FAM227B: variants seen among roughly 807,000 people sequenced by gnomAD.
FAM227B encodes protein FAM227B.
In FAM227B, 88 loss-of-function variants were observed where a neutral mutation model predicts 73.8. The observed-to-expected ratio is 1.19, with a 90% CI of 1.00 to 1.42. The LOEUF (loss-of-function observed/expected upper bound fraction) is 1.42. FAM227B is among the 40% of genes most tolerant of loss of function. FAM227B has a pLI of 0.00. For missense variants in FAM227B, 632 were observed against 590.9 expected (o/e 1.07, Z -0.72); for synonymous variants, 210 against 190.5 (o/e 1.10, Z -0.84).
At chr15:49,406,754 C>A (rs983821753) in intron 11 of FAM227B, among the ~76,000 whole-genome samples, 1 of 151,952 alleles carries the variant, frequency 6.6e-6, no homozygotes, top group African/African-American at 2.4e-5. Flanking sequence ...GAAAGCAAAA[C>A]CCACCCATAC....
intron 11 of FAM227B, among the ~76,000 whole-genome samples, chr15:49,501,721 CA>C (rs1350803204): frequency 2.0e-5 from 3 of 152,148 alleles, no homozygotes; most frequent in Non-Finnish European, 2.9e-5. Flanking sequence ...ATTTGCATAA[CA>C]AAAGGGAGCC....
chr15:49,523,977 T>C (rs2152187732), intron 10 of FAM227B, among the ~76,000 whole-genome samples: 1 of 152,316 alleles, frequency 6.6e-6, no homozygotes, highest in East Asian at 1.9e-4. Context: ...GTGACTTGGA[T>C]GCTGTTAAAA....
At chr15:49,330,798 A>G (rs1024853442) in intron 15 of FAM227B, 1 of 152,088 alleles carries the variant, frequency 6.6e-6, no homozygotes, top group Non-Finnish European at 1.5e-5. Context: ...GATGTAAAAA[A>G]TAGTCCTTAG....
intron 11 of FAM227B, chr15:49,395,908 CTTAAT>C (rs1044953245): frequency 1.5e-5 from 7 of 455,506 alleles, no homozygotes; most frequent in African/African-American, 1.0e-4. Flanking sequence ...CTTCCAGGTT[CTTAAT>C]TTAAGGCCCA....
chr15:49,352,614 C>T (rs2042413387), intron 13 of FAM227B, among the ~76,000 whole-genome samples: 1 of 151,944 alleles, frequency 6.6e-6, no homozygotes. Context: ...TTTTTTTGTC[C>T]CTATGTTTAA....
chr15:49,489,822 T>TTATA (rs1178397654), intron 11 of FAM227B, among the ~76,000 whole-genome samples: 3 of 32,350 alleles, frequency 9.3e-5, no homozygotes, highest in South Asian at 1.1e-3. Flanking sequence ...TATATATATT[T>TTATA]TATATATATA....
intron 3 of FAM227B, among the ~76,000 whole-genome samples, chr15:49,600,977 G>A (rs1189988331): frequency 2.0e-5 from 3 of 150,394 alleles, no homozygotes; most frequent in African/African-American, 7.4e-5. Context: ...AGGAGGCAGA[G>A]GTTGCGGTGA....
chr15:49,356,317 G>C (rs1375519446), intron 13 of FAM227B, among the ~76,000 whole-genome samples: 1 of 150,996 alleles, frequency 6.6e-6, no homozygotes, highest in African/African-American at 2.4e-5. Flanking sequence ...AGACCCATCA[G>C]TGTGCTGTAT....
At chr15:49,377,444 T>A (rs1744224103) in intron 11 of FAM227B, among the ~76,000 whole-genome samples, 1 of 152,150 alleles carries the variant, frequency 6.6e-6, no homozygotes. Context: ...AACTCCAAAC[T>A]GTTTTCCATA....
At chr15:49,454,068 T>A (rs1438158957) in intron 11 of FAM227B, among the ~76,000 whole-genome samples, 2 of 152,186 alleles carry the variant, frequency 1.3e-5, no homozygotes, top group African/African-American at 2.4e-5. Context: ...ATAGAAAAGA[T>A]GTGTCAGACA....
intron 3 of FAM227B, among the ~76,000 whole-genome samples, chr15:49,599,188 G>C (rs1198665135): frequency 1.3e-5 from 2 of 151,822 alleles, no homozygotes; most frequent in Non-Finnish European, 2.9e-5. Context: ...ATGTTTCAAG[G>C]AATTTATTCA....
At chr15:49,358,190 C>T (rs1453374549) in intron 13 of FAM227B, among the ~76,000 whole-genome samples, 1 of 151,412 alleles carries the variant, frequency 6.6e-6, no homozygotes, top group African/African-American at 2.4e-5. Flanking sequence ...GACAGGGATG[C>T]CCTCCTCACC....
At chr15:49,429,102 A>T (rs2050370903) in intron 11 of FAM227B, among the ~76,000 whole-genome samples, 1 of 152,038 alleles carries the variant, frequency 6.6e-6, no homozygotes. Flanking sequence ...TTAGCAAGTT[A>T]TCTAAAAGAA....
At position 49,378,490 on chromosome 15, in the gene FAM227B, TC is replaced by T. The variant is rs1345462208; in HGVS notation, c.1013-7092del. Reference sequence around the variant, plus strand: ...TTGATGTCCTCTTCAATGTATTTCATCAGTGTTTTATAGTTTTCATTATAGA... The same window carrying T: ...TTGATGTCCTCTTCAATGTATTTCATAGTGTTTTATAGTTTTCATTATAGA... On this transcript the variant is annotated intron_variant, in intron 11 of 15. Coordinates refer to ENST00000299338, the MANE Select transcript of FAM227B (RefSeq NM_152647.3). 2.4e-5 allele frequency among the ~76,000 whole-genome samples: 3 copies of T among 122,938 alleles called. No homozygotes were observed. The East Asian group carries it at 7.0e-4, about 29-fold the overall frequency. 80.7% of individuals were successfully genotyped at this position (122,938 alleles called of 152,430 possible).
At chr15:49,426,778 T>C (rs2151761039) in intron 11 of FAM227B, among the ~76,000 whole-genome samples, 1 of 152,030 alleles carries the variant, frequency 6.6e-6, no homozygotes, top group Admixed American at 6.6e-5. Context: ...ACAATACCAG[T>C]GTACTAAAAA....
chr15:49,412,464 G>A (rs2048932889), intron 11 of FAM227B, among the ~76,000 whole-genome samples: 1 of 151,740 alleles, frequency 6.6e-6, no homozygotes, highest in Non-Finnish European at 1.5e-5. Flanking sequence ...GGGTACTAAG[G>A]ATTAATTTTT....
intron 11 of FAM227B, among the ~76,000 whole-genome samples, chr15:49,479,906 G>A (rs1200657169): frequency 5.3e-5 from 8 of 152,216 alleles, no homozygotes; most frequent in East Asian, 1.9e-4. Context: ...GAGCCACTGC[G>A]CTCCGCCCAT....
In FAM227B at chr15:49,590,020, TGAAA is replaced by T. The variant is rs773341905; in HGVS notation, c.106-17_106-14del. ...TTGGCCAATAATCCTGCAAAAAACG[TGAAA>T]GAGAGAATATAGCTTAAGTCATTTT... On this transcript the variant is annotated splice_polypyrimidine_tract_variant and intron_variant, in intron 3 of 15. Coordinates refer to ENST00000299338, the MANE Select transcript of FAM227B (RefSeq NM_152647.3). 3 of 1,336,434 alleles carry T rather than the reference TGAAA, an allele frequency of 2.2e-6. No individual in the cohort carries two copies. Among genetic ancestry groups the T allele is most frequent in the Non-Finnish European group, 3.2e-6 (3 of 930,926 alleles). 82.8% of individuals were successfully genotyped at this position (1,336,434 alleles called of 1,614,324 possible).
chr15:49,340,774 C>G (rs995168091), intron 13 of FAM227B, among the ~76,000 whole-genome samples: 1 of 152,086 alleles, frequency 6.6e-6, no homozygotes, highest in Non-Finnish European at 1.5e-5. Flanking sequence ...TTAATTAGGT[C>G]CCACTTGTCA....
Sources: allele counts gnomAD v4.1 joint callset (sites outside exome capture counted in the v4.1 genomes callset), GRCh38; gene constraint gnomAD v4.1.1; transcripts MANE v1.5; gene names NCBI Gene and HGNC (gene_info 2026-07-23, HGNC 2026-07-21).